The following TMEM44 variants were observed in gnomAD, a reference collection of about 807,000 sequenced individuals.
The protein encoded by TMEM44 is transmembrane protein 44.
A neutral mutation model predicts 47.8 loss-of-function variants in TMEM44; 43 were observed. The ratio of observed to expected loss-of-function variants is 0.90; its 90% confidence interval spans 0.70 to 1.16. The LOEUF is 1.16. Among genes scored for constraint, TMEM44 ranks in the 50% most tolerant of loss-of-function variants. The pLI is 0.00. For missense variants in TMEM44, 568 were observed against 555.2 expected, an observed-to-expected ratio of 1.02 and a Z score of -0.23; for synonymous variants, 277 against 238.8, an observed-to-expected ratio of 1.16 and a Z score of -1.48.
chr3:194,624,775 T>G (rs1267523417), intron 3 of TMEM44, among the ~76,000 whole-genome samples: 1 of 150,902 alleles, frequency 6.6e-6, no homozygotes, highest in African/African-American at 2.4e-5. Context: ...CACGTTGGAG[T>G]GCAGTTGTGC....
In TMEM44 at chr3:194,604,169, C is replaced by T. The variant is rs538066174; in HGVS notation, c.1176+118G>A. 359 of 1,268,366 alleles carry T rather than the reference C, an allele frequency of 2.8e-4. 1 individual carries two copies. The African/African-American group carries it at 4.8e-3, about 17-fold the overall frequency. 78.6% of individuals were successfully genotyped at this position (1,268,366 alleles called of 1,614,324 possible). A position where few individuals can be genotyped will look rare whatever the true frequency, so the allele number is the denominator to read the frequency against. ...GCGCCTGGCCTCATTCATTATTTAG[C>T]AGGTATGAGGTTAACGTGGATAAGA... On this transcript the variant is annotated intron_variant, in intron 9 of 9. Coordinates refer to ENST00000347147, the MANE Select transcript of TMEM44 (RefSeq NM_001011655.3).
At chr3:194,607,668 G>C (rs551063652) in intron 8 of TMEM44, among the ~76,000 whole-genome samples, 1 of 152,202 alleles carries the variant, frequency 6.6e-6, no homozygotes, top group South Asian at 2.1e-4. Context: ...CTCAGGAGTC[G>C]GCTGTGGGGC....
At chr3:194,601,774 G>A (rs1408392750) in intron 9 of TMEM44, among the ~76,000 whole-genome samples, 2 of 152,074 alleles carry the variant, frequency 1.3e-5, no homozygotes, top group African/African-American at 2.4e-5. Flanking sequence ...TTTAACAATC[G>A]ATTTCTAGAA....
chr3:194,629,058 G>C (rs553251141), intron 1 of TMEM44, among the ~76,000 whole-genome samples: 2 of 152,090 alleles, frequency 1.3e-5, no homozygotes, highest in East Asian at 3.9e-4. Context: ...CAGCTACTCC[G>C]GAGGCTGAGG....
rs942241276 is a variant in TMEM44, at chr3:194,617,117, A to G, written c.765T>C (p.Arg255=). Residue 255 remains arginine, a synonymous_variant, in exon 6 of 10, where the codon CGT becomes CGC. Transcript: ENST00000347147. ...ATPWFLTSLG[R]AALDLAIIFL... ...TGGATACAGCGAGGTCCAGTGCCGC[A>G]CGGCCGAGGGAGGTCAGGAACCAGG... is the stretch of plus-strand genomic sequence containing the variant. The G allele has an allele frequency of 1.7e-5, 26 of 1,550,416 alleles. No individual in the cohort carries two copies. Among genetic ancestry groups the G allele is most frequent in the Non-Finnish European group, 2.0e-5 (23 of 1,148,114 alleles).
rs115333431 is a variant in TMEM44 at position 194,593,627 on chromosome 3, T to C, written c.1177-4988A>G. 7.2e-3 allele frequency among the ~76,000 whole-genome samples: 1,102 copies of C among 152,276 alleles called. 12 individuals are homozygous for C. Among genetic ancestry groups the C allele is most frequent in the African/African-American group, 0.023 (944 of 41,556 alleles). ...CTGCCCTTGTTACTCCAGCACCTCC[T>C]GCAGCGCCTGGGAAACATATGTTTC... On this transcript the variant is annotated intron_variant, in intron 9 of 9. Coordinates refer to ENST00000347147, the MANE Select transcript of TMEM44 (RefSeq NM_001011655.3).
intron 9 of TMEM44, among the ~76,000 whole-genome samples, chr3:194,601,311 T>G (rs1714087556): frequency 7.1e-6 from 1 of 141,756 alleles, no homozygotes; most frequent in Non-Finnish European, 1.5e-5. Context: ...CTAATTTTCT[T>G]TTTTTTTTTT....
At position 194,594,153 on chromosome 3, in the gene TMEM44, A is replaced by ATCTATCTATCTATCTATCTGTCTGTCTG. The variant is rs772169628; in HGVS notation, c.1177-5515_1177-5514insCAGACAGACAGATAGATAGATAGATAGA. ...TATCTATCTATCTATCTATCTATCT[A>ATCTATCTATCTATCTATCTGTCTGTCTG]TCTATCTATCTATATCTATCTATCT... On this transcript the variant is annotated intron_variant, in intron 9 of 9. Coordinates refer to ENST00000347147, the MANE Select transcript of TMEM44 (RefSeq NM_001011655.3). Among the ~76,000 whole-genome samples the ATCTATCTATCTATCTATCTGTCTGTCTG allele has an allele frequency of 9.6e-3, 1,429 of 148,376 alleles. 16 individuals carry two copies. Among genetic ancestry groups the ATCTATCTATCTATCTATCTGTCTGTCTG allele is most frequent in the Non-Finnish European group, 0.015 (1,026 of 66,876 alleles).
At chr3:194,610,087 C>T (rs959912562) in intron 8 of TMEM44, among the ~76,000 whole-genome samples, 23 of 151,844 alleles carry the variant, frequency 1.5e-4, no homozygotes, top group Admixed American at 5.9e-4. Context: ...ATTAGCTGGG[C>T]GTGGTGGCAG....
At chr3:194,593,874 G>A (rs1713051291) in intron 9 of TMEM44, among the ~76,000 whole-genome samples, 1 of 152,108 alleles carries the variant, frequency 6.6e-6, no homozygotes, top group African/African-American at 2.4e-5. Context: ...GCAGTGGCAT[G>A]GTCATAGCCC....
intron 8 of TMEM44, among the ~76,000 whole-genome samples, chr3:194,610,012 A>G (rs548630876): frequency 7.3e-4 from 111 of 152,122 alleles, no homozygotes; most frequent in Non-Finnish European, 1.3e-3. Flanking sequence ...GCAGATCACG[A>G]GGTCAAGAGA....
Position 194,618,082 on chromosome 3 carries a change from T to A in TMEM44, c.613-813A>T, listed in dbSNP as rs1196579028. On this transcript the variant is annotated intron_variant, in intron 5 of 9. Transcript: ENST00000347147. ...TGGTTTCCTTATGAGTGACCCGGCC[T>A]GAGGCATTCCTTTAGAGCAATGCAA... 3.3e-5 allele frequency among the ~76,000 whole-genome samples: 5 copies of A among 152,178 alleles called. No homozygotes were observed. The South Asian group carries it at 6.2e-4, about 19-fold the overall frequency.
intron 9 of TMEM44, among the ~76,000 whole-genome samples, chr3:194,590,864 A>G (rs893579922): frequency 2.3e-4 from 35 of 152,190 alleles, no homozygotes; most frequent in Admixed American, 2.2e-3. Flanking sequence ...AGCAGCCTGC[A>G]GACAGAAACC....
In TMEM44 at chr3:194,623,235, G is replaced by C. The variant is rs375708561; in HGVS notation, c.601C>G (p.Leu201Val). The C allele has an allele frequency of 6.5e-5, 104 of 1,609,570 alleles. 1 individual carries two copies. The Middle Eastern group carries it at 6.6e-4, about 10-fold the overall frequency. ...ACCCCCGGCCTCACAATTCTGGAGA[G>C]AGGGGGGATCCGAGAAGCCCAGGAG... ...FGSWASRIPP[L>V]SRICRGKTFP... The change falls in exon 5 of 10, where the codon CTC becomes GTC. Residue 201 changes from leucine (L) to valine (V), a missense_variant. Transcript: ENST00000347147.
intron 7 of TMEM44, among the ~76,000 whole-genome samples, chr3:194,614,845 G>A (rs573000713): frequency 6.6e-6 from 1 of 152,324 alleles, no homozygotes; most frequent in African/African-American, 2.4e-5. Context: ...GCCATTAAGT[G>A]ACCAAAAAAC....
At position 194,615,609 on chromosome 3, in the gene TMEM44, G is replaced by T. The variant is rs569561589; in HGVS notation, c.872C>A (p.Ala291Asp). 6.2e-7 allele frequency: 1 copy of T among 1,614,132 alleles called. No homozygotes were observed. Among genetic ancestry groups the T allele is most frequent in the Admixed American group, 1.7e-5 (1 of 60,012 alleles). ...CTCTTTCTCTGCACAGGTCAAAAGG[G>T]CTTGGGTGTCAGGGCTCTCTCTGGC... ...KEARESPDTQ[A>D]LLTCAEKEEE... Residue 291 changes from alanine (A) to aspartate (D), a missense_variant, in exon 7 of 10, where the codon GCC becomes GAC. Ala to Asp is a moderately radical substitution (Grantham distance 126). Transcript: ENST00000347147.
At position 194,627,913 on chromosome 3, in the gene TMEM44, A is replaced by G. The variant is rs547664378; in HGVS notation, c.264+470T>C. 2.4e-3 allele frequency among the ~76,000 whole-genome samples: 368 copies of G among 152,292 alleles called. 1 individual carries two copies. The highest frequency in any genetic ancestry group is 5.5e-3 in the Admixed American group (84 of 15,298). ...AGAATTGCTTGAACCCAGGAGACGGAGGCTGCAGTGAGCCAAGACCAAGTC... is the reference window on the plus strand; with the variant it reads ...AGAATTGCTTGAACCCAGGAGACGGGGGCTGCAGTGAGCCAAGACCAAGTC... On this transcript the variant is annotated intron_variant, in intron 2 of 9. Coordinates refer to ENST00000347147, the MANE Select transcript of TMEM44 (RefSeq NM_001011655.3).
Position 194,611,946 on chromosome 3 carries a change from C to G in TMEM44, c.913-926G>C, listed in dbSNP as rs1194981272. 3.9e-5 allele frequency among the ~76,000 whole-genome samples: 6 copies of G among 151,986 alleles called. No individual in the cohort carries two copies. Among genetic ancestry groups the G allele is most frequent in the Admixed American group, 3.9e-4 (6 of 15,234 alleles). On this transcript the variant is annotated intron_variant, in intron 7 of 9. Transcript: ENST00000347147. This position sits in a 1 kb window ranked among gnomAD's most constrained non-coding sequence, Gnocchi z 4.2. Reference sequence around the variant, plus strand: ...CGGAGGCAGGAGAATCGCTTGAACCCAGGAGGCGGAGGTTGCAGCAAGCTG... The same window carrying G: ...CGGAGGCAGGAGAATCGCTTGAACCGAGGAGGCGGAGGTTGCAGCAAGCTG...
intron 6 of TMEM44, chr3:194,616,472 C>A (rs531865376): frequency 4.7e-6 from 2 of 427,382 alleles, no homozygotes; most frequent in African/African-American, 2.1e-5. Context: ...AGGAGACACA[C>A]GAAGATACAC....
Sources: gnomAD v4.1 joint callset for allele counts (sites outside exome capture counted in the v4.1 genomes callset) on GRCh38, gnomAD v4.1.1 for gene constraint, Gnocchi (gnomAD v3.1) non-coding constraint, MANE v1.5 for transcripts, NCBI Gene and HGNC (gene_info 2026-07-23, HGNC 2026-07-21) for gene names.